Variants in KLF15 observed in about 807,000 individuals in gnomAD.
The protein encoded by KLF15 is KLF transcription factor 15.
A neutral mutation model predicts 24.6 loss-of-function variants in KLF15; 4 were observed. That is an observed-to-expected ratio of 0.16 (90% CI 0.08 to 0.37). KLF15 has a LOEUF of 0.37. KLF15 is among the 10% of genes least tolerant of loss of function. KLF15 has a pLI of 1.00. For synonymous variants in KLF15, 246 were observed against 236.3 expected, an observed-to-expected ratio of 1.04 and a Z score of -0.37; for missense variants, 496 against 560.6, an observed-to-expected ratio of 0.88 and a Z score of 1.16.
At chr3:126,309,473 T>G in the KLF15 span, among the ~76,000 whole-genome samples, 1 of 152,132 alleles carries the variant, frequency 6.6e-6, no homozygotes, top group African/African-American at 2.4e-5. Context: ...CAGATTCGAG[T>G]TGGAGGTGTC....
chr3:126,319,841 G>A, the KLF15 span, among the ~76,000 whole-genome samples: 8 of 152,280 alleles, frequency 5.3e-5, no homozygotes, highest in South Asian at 4.1e-4. Context: ...CCACTGGCTC[G>A]GGGTGGGGTG....
chr3:126,337,606 G>T, the KLF15 span, among the ~76,000 whole-genome samples: 1 of 151,948 alleles, frequency 6.6e-6, no homozygotes, highest in African/African-American at 2.4e-5. Flanking sequence ...GAAGAGTGCT[G>T]TATTCGTTGA....
chr3:126,316,227 C>T, the KLF15 span, among the ~76,000 whole-genome samples: 945 of 146,426 alleles, frequency 6.5e-3, 8 homozygotes, highest in African/African-American at 0.023. Flanking sequence ...AGGGAGTCCA[C>T]GGGCCGGACT....
At chr3:126,289,772 T>G in the KLF15 span, among the ~76,000 whole-genome samples, 2 of 152,224 alleles carry the variant, frequency 1.3e-5, no homozygotes, top group Non-Finnish European at 2.9e-5. Flanking sequence ...TTTCTTTCTG[T>G]AAACCTGAAA....
At chr3:126,317,724 C>T in the KLF15 span, among the ~76,000 whole-genome samples, 2 of 152,332 alleles carry the variant, frequency 1.3e-5, no homozygotes, top group African/African-American at 2.4e-5. Context: ...GGTCAAACCA[C>T]ATACTTGATC....
chr3:126,353,009 G>T, intron 1 of KLF15, 62 bp from the exon 2 acceptor site: 1 of 1,496,760 alleles, frequency 6.7e-7, no homozygotes, highest in Non-Finnish European at 8.9e-7. Context: ...CACCTCGCAG[G>T]CCTCTGACCC....
the KLF15 span, among the ~76,000 whole-genome samples, chr3:126,298,312 T>C: frequency 6.6e-6 from 1 of 151,574 alleles, no homozygotes; most frequent in Admixed American, 6.6e-5. Flanking sequence ...GTTTTTTTTT[T>C]TTTCTGATTT....
chr3:126,344,268 C>T (rs1292890511), intron 2 of KLF15, among the ~76,000 whole-genome samples: 1 of 151,988 alleles, frequency 6.6e-6, no homozygotes, highest in Admixed American at 6.6e-5. Context: ...CTATGTTGCC[C>T]AGGCTGGTGT....
At chr3:126,331,727 G>A in the KLF15 span, among the ~76,000 whole-genome samples, 1 of 152,238 alleles carries the variant, frequency 6.6e-6, no homozygotes, top group Non-Finnish European at 1.5e-5. Flanking sequence ...TCACTAGGGA[G>A]TGCCAGACAG....
the KLF15 span, among the ~76,000 whole-genome samples, chr3:126,331,080 G>A: frequency 6.6e-6 from 1 of 152,170 alleles, no homozygotes; most frequent in African/African-American, 2.4e-5. Flanking sequence ...CAGAGGCAGG[G>A]TAGTGGGGAA....
the KLF15 span, among the ~76,000 whole-genome samples, chr3:126,317,644 C>G: frequency 6.6e-6 from 1 of 152,092 alleles, no homozygotes; most frequent in Non-Finnish European, 1.5e-5. Context: ...CAGCCTACCC[C>G]AAGGGAAGAC....
chr3:126,342,804 G>A lies in KLF15; in HGVS notation c.*923C>T, dbSNP rs1270643764. The A allele has an allele frequency of 6.6e-6, 1 of 152,542 alleles. No individual in the cohort carries two copies. The highest frequency in any genetic ancestry group is 1.5e-5 in the Non-Finnish European group (1 of 68,030). 9.4% of individuals were successfully genotyped at this position (152,542 alleles called of 1,614,324 possible). On this transcript the variant is annotated 3_prime_UTR_variant, in exon 3 of 3. Coordinates refer to ENST00000296233, the MANE Select transcript of KLF15 (RefSeq NM_014079.4). ...AGATATTTTATGTGGATGGACCTAT[G>A]TACAGTTTATTTACATACATTCATA...
the KLF15 span, among the ~76,000 whole-genome samples, chr3:126,301,597 C>CT: frequency 6.8e-6 from 1 of 147,218 alleles, no homozygotes; most frequent in Non-Finnish European, 1.5e-5. Context: ...TGCTTTCTTT[C>CT]TTTTTTCTTT....
chr3:126,300,383 C>T, the KLF15 span, among the ~76,000 whole-genome samples: 1 of 152,198 alleles, frequency 6.6e-6, no homozygotes, highest in Non-Finnish European at 1.5e-5. Context: ...CTGTGCAGCG[C>T]GTCCTCCCAG....
intron 1 of KLF15, among the ~76,000 whole-genome samples, chr3:126,354,597 C>T (rs1288175578): frequency 1.3e-5 from 2 of 152,216 alleles, no homozygotes; most frequent in African/African-American, 4.8e-5. Context: ...AAGGTCTGTG[C>T]CCCAGGCCAG....
chr3:126,316,207 G>A, the KLF15 span, among the ~76,000 whole-genome samples: 6 of 151,516 alleles, frequency 4.0e-5, no homozygotes, highest in South Asian at 2.1e-4. Flanking sequence ...GTGCACGGGC[G>A]GAGTGGGGAA....
the KLF15 span, among the ~76,000 whole-genome samples, chr3:126,334,373 A>C: frequency 6.7e-5 from 9 of 134,308 alleles, no homozygotes; most frequent in African/African-American, 2.2e-4. Context: ...TTTGAAACCA[A>C]CGAGAACAAA....
At chr3:126,326,181 G>T in the KLF15 span, among the ~76,000 whole-genome samples, 1 of 109,416 alleles carries the variant, frequency 9.1e-6, no homozygotes, top group Non-Finnish European at 1.8e-5. Flanking sequence ...TCTCTGTTTT[G>T]GTACCAGTAC....
At chr3:126,342,039 C>T (rs770779662), downstream of KLF15, among the ~76,000 whole-genome samples, 7 of 152,188 alleles carry the variant, frequency 4.6e-5, no homozygotes, top group Non-Finnish European at 7.3e-5. Context: ...TGGGTCCAAC[C>T]TCAACTGTGC....
Sources: allele counts gnomAD v4.1 joint callset (sites outside exome capture counted in the v4.1 genomes callset), GRCh38; gene constraint gnomAD v4.1.1; transcripts MANE v1.5; gene names NCBI Gene and HGNC (gene_info 2026-07-23, HGNC 2026-07-21).